CDHR1: variants seen among roughly 807,000 people sequenced by gnomAD.
CDHR1 encodes the protein cadherin-related family member 1.
In CDHR1, 61 loss-of-function variants were observed where a neutral mutation model predicts 72.1. The ratio of observed to expected loss-of-function variants is 0.85; its 90% CI spans 0.69 to 1.05. The LOEUF is 1.05. Ranked by LOEUF, CDHR1 falls within the 50% of genes least tolerant of loss-of-function variation. CDHR1 has a pLI of 0.00. For missense variants in CDHR1, 1,186 were observed against 1,115.7 expected (o/e 1.06, Z -0.90); for synonymous variants, 470 against 448.1 (o/e 1.05, Z -0.62).
chr10:84,210,502 G>A (rs764786989), intron 12 of CDHR1, among the ~76,000 whole-genome samples: 6 of 152,042 alleles, frequency 3.9e-5, no homozygotes, highest in Non-Finnish European at 5.9e-5. Flanking sequence ...CCCGACCTCA[G>A]GTGATCCACC....
rs1398098226 is a variant in CDHR1 at position 84,211,719 on chromosome 10, A to G, written c.1553+4A>G. On this transcript the variant is annotated splice_donor_region_variant and intron_variant, in intron 14 of 16. Coordinates refer to ENST00000623527, the MANE Select transcript of CDHR1 (RefSeq NM_033100.4). ...CCTATGGGACTGGGGCAGACCTGTAAGTAGATCCAGAATCCAGGACAGGGC... is the reference window on the plus strand; with the variant it reads ...CCTATGGGACTGGGGCAGACCTGTAGGTAGATCCAGAATCCAGGACAGGGC... The G allele has an allele frequency of 6.2e-7, 1 of 1,612,574 alleles. No homozygotes were observed. The highest frequency in any genetic ancestry group is 8.5e-7 in the Non-Finnish European group (1 of 1,178,672).
intron 7 of CDHR1, 71 bp downstream of exon 7, chr10:84,201,991 A>C (rs908681006): frequency 7.0e-5 from 82 of 1,175,022 alleles, no homozygotes; most frequent in Non-Finnish European, 9.3e-5. Flanking sequence ...TAGGTTCTAC[A>C]GGGGAGTGGG....
Position 84,205,897 on chromosome 10 carries a change from C to G in CDHR1, c.933C>G (p.Leu311=). 1 of 1,614,048 alleles carries G rather than the reference C, an allele frequency of 6.2e-7. No individual in the cohort carries two copies. ...AISITQSPAQ[L]QREVYELHVQ... is the part of the protein sequence containing the mutation. ...CCATCACTCAGAGCCCGGCCCAGCTCCAGAGAGAGGTGTATGAGCTGCATG... is the reference window on the plus strand; with the variant it reads ...CCATCACTCAGAGCCCGGCCCAGCTGCAGAGAGAGGTGTATGAGCTGCATG... Residue 311 remains leucine, a synonymous_variant, in exon 10 of 17, where the codon CTC becomes CTG. Transcript: ENST00000623527.
intron 10 of CDHR1, among the ~76,000 whole-genome samples, chr10:84,206,569 G>T (rs540555698): frequency 6.6e-6 from 1 of 152,238 alleles, no homozygotes. Context: ...CCCAAGAGCA[G>T]TAAGGAGCCA....
rs192548340 is a variant in CDHR1 at position 84,211,624 on chromosome 10, C to G, written c.1486-24C>G. 8.9e-4 allele frequency: 1,426 copies of G among 1,610,812 alleles called. 16 individuals carry two copies. In the African/African-American group the frequency reaches 0.017, roughly 19 times the overall value. On this transcript the variant is annotated intron_variant, in intron 13 of 16. Transcript: ENST00000623527. ...CATACCCTGACAAAGAGGCACGTGCCACCCAGGGCTCTTTCTCTTCCAGGC... is the reference window on the plus strand; with the variant it reads ...CATACCCTGACAAAGAGGCACGTGCGACCCAGGGCTCTTTCTCTTCCAGGC...
In CDHR1 at chr10:84,217,773, G is replaced by C; in HGVS notation, c.*3152G>C. ...TACTTCATGCTAGAAAAAGAGAAGA[G>C]AGTGGATCCAGAGGGGAGTGGAGGA... On this transcript the variant is annotated 3_prime_UTR_variant, in exon 17 of 17. Transcript: ENST00000623527. The C allele has an allele frequency of 1.0e-6, 1 of 985,426 alleles. No individual in the cohort carries two copies. Among genetic ancestry groups the C allele is most frequent in the Non-Finnish European group, 1.2e-6 (1 of 829,950 alleles). 61.0% of individuals were successfully genotyped at this position (985,426 alleles called of 1,614,324 possible).
chr10:84,206,569 G>A (rs540555698), intron 10 of CDHR1, among the ~76,000 whole-genome samples: 10 of 152,356 alleles, frequency 6.6e-5, no homozygotes, highest in African/African-American at 2.4e-4. Flanking sequence ...CCCAAGAGCA[G>A]TAAGGAGCCA....
intron 6 of CDHR1, 66 bp downstream of exon 6, chr10:84,200,753 C>T: frequency 9.0e-7 from 1 of 1,113,828 alleles, no homozygotes; most frequent in South Asian, 1.3e-5. Flanking sequence ...TGGCCCCTAC[C>T]TCCATCGCCC....
In CDHR1 at chr10:84,208,392, C is replaced by A; in HGVS notation, c.1167+15C>A. 1 of 1,613,334 alleles carries A rather than the reference C, an allele frequency of 6.2e-7. No individual in the cohort carries two copies. Among genetic ancestry groups the A allele is most frequent in the Non-Finnish European group, 8.5e-7 (1 of 1,179,422 alleles). ...ACTCCGACCAGGTGTGTGGTCCTGC[C>A]CTCCGCTCTGCCTTCTCACAAACGG... is the stretch of plus-strand genomic sequence containing the variant. On this transcript the variant is annotated intron_variant, in intron 11 of 16. Coordinates refer to ENST00000623527, the MANE Select transcript of CDHR1 (RefSeq NM_033100.4).
At chr10:84,219,114 C>T (rs1323553674), downstream of CDHR1, 16 of 1,361,392 alleles carry the variant, frequency 1.2e-5, no homozygotes, top group South Asian at 1.3e-5. Context: ...ATAGTAACTT[C>T]CCTGGTACAA....
At chr10:84,201,269 G>C (rs1278273205) in intron 6 of CDHR1, among the ~76,000 whole-genome samples, 1 of 152,122 alleles carries the variant, frequency 6.6e-6, no homozygotes, top group Non-Finnish European at 1.5e-5. Context: ...TGGCACAAGC[G>C]CCTGACACTA....
chr10:84,197,305 G>A (rs1159125385), intron 3 of CDHR1, among the ~76,000 whole-genome samples: 1 of 152,106 alleles, frequency 6.6e-6, no homozygotes, highest in Non-Finnish European at 1.5e-5. Context: ...GCACCCGCGG[G>A]ATCTGGCAAC....
chr10:84,218,382 G>A lies in CDHR1; in HGVS notation c.*3761G>A, dbSNP rs1842460235. ...TGCACATGTACCCCTTTTGAGGCCT[G>A]AATGAGGTTCGGTTATTTATTCATT... On this transcript the variant is annotated 3_prime_UTR_variant, in exon 17 of 17. Transcript: ENST00000623527. The A allele has an allele frequency of 2.0e-6, 2 of 985,430 alleles. No homozygotes were observed. The highest frequency in any genetic ancestry group is 2.3e-4 in the East Asian group (2 of 8,824). 61.0% of individuals were successfully genotyped at this position (985,430 alleles called of 1,614,324 possible). A position where few individuals can be genotyped will look rare whatever the true frequency, so the allele number is the denominator to read the frequency against.
chr10:84,195,264 C>T (rs1250360013), intron 1 of CDHR1, among the ~76,000 whole-genome samples: 3 of 152,340 alleles, frequency 2.0e-5, no homozygotes, highest in Middle Eastern at 3.4e-3. Flanking sequence ...TAAGCGCCCA[C>T]ATGCTACGTG....
chr10:84,204,840 G>C (rs762835814), intron 9 of CDHR1, among the ~76,000 whole-genome samples: 2 of 152,198 alleles, frequency 1.3e-5, no homozygotes, highest in Admixed American at 6.5e-5. Flanking sequence ...AGAGCAACAC[G>C]GAGGTGCTAA....
In CDHR1 at chr10:84,214,407, C is replaced by T. The variant is rs1292207534; in HGVS notation, c.2366C>T (p.Pro789Leu). Residue 789 changes from proline (P) to leucine (L), a missense_variant, in exon 17 of 17, where the codon CCG becomes CTG. Pro to Leu is a moderately conservative substitution (Grantham distance 98). Transcript: ENST00000623527. The stretch of plus-strand genomic sequence containing the variant: ...AACAGCCCAGAAAGCTCTCTGCTCC[C>T]GAGAGCTCCGGCTCTCCCTCCACCA... ...NNNSPESSLL[P>L]RAPALPPPPS... 1 of 1,613,670 alleles carries T rather than the reference C, an allele frequency of 6.2e-7. No homozygotes were observed. The highest frequency in any genetic ancestry group is 1.3e-5 in the African/African-American group (1 of 74,920).
At position 84,195,528 on chromosome 10, in the gene CDHR1, C is replaced by T. The variant is rs1842013594; in HGVS notation, c.90C>T (p.Asn30=). Residue 30 remains asparagine, a synonymous_variant, in exon 2 of 17, where the codon AAC becomes AAT. Transcript: ENST00000623527. The part of the protein sequence containing the change: ...QANFAPHFFD[N]GVGSTNGNMA... ...ACTTCGCCCCGCACTTCTTCGACAA[C>T]GGGGTCGGCAGCACCAACGGAAACA... is the stretch of plus-strand genomic sequence containing the variant. 2.5e-6 allele frequency: 4 copies of T among 1,614,170 alleles called. No homozygotes were observed. Among genetic ancestry groups the T allele is most frequent in the South Asian group, 1.1e-5 (1 of 91,076 alleles).
chr10:84,204,393 G>C, intron 8 of CDHR1, 134 bp from the exon 9 acceptor site: 1 of 707,502 alleles, frequency 1.4e-6, no homozygotes, highest in Non-Finnish European at 2.6e-6. Context: ...GTAGGGCCAT[G>C]CTCCACCGCC....
intron 2 of CDHR1, among the ~76,000 whole-genome samples, 199 bp downstream of exon 2, chr10:84,195,788 C>T (rs1219471877): frequency 6.6e-6 from 1 of 152,232 alleles, no homozygotes; most frequent in Non-Finnish European, 1.5e-5. Flanking sequence ...GTCCTGGAGA[C>T]CAGGGCTCCC....
Sources: gnomAD v4.1 joint callset for allele counts (sites outside exome capture counted in the v4.1 genomes callset) on GRCh38, gnomAD v4.1.1 for gene constraint, MANE v1.5 for transcripts, NCBI Gene and HGNC (gene_info 2026-07-23, HGNC 2026-07-21) for gene names.